The following SGCZ variants were observed in gnomAD, a reference collection of about 807,000 sequenced individuals.
SGCZ encodes sarcoglycan zeta.
SGCZ carries 40 observed loss-of-function variants against 41.3 expected under a neutral mutation model. The observed-to-expected ratio is 0.97, with a 90% confidence interval of 0.75 to 1.26. SGCZ has a LOEUF of 1.26. SGCZ is among the 50% of genes most tolerant of loss of function. SGCZ has a pLI of 0.00. For synonymous variants in SGCZ, 206 were observed against 137.5 expected, an observed-to-expected ratio of 1.50 and a Z score of -3.49; for missense variants, 552 against 369.8, an observed-to-expected ratio of 1.49 and a Z score of -4.04.
chr8:14,774,807 T>C (rs540171976), intron 1 of SGCZ, among the ~76,000 whole-genome samples: 3 of 152,314 alleles, frequency 2.0e-5, no homozygotes, highest in Non-Finnish European at 4.4e-5. Flanking sequence ...AAAGGTTCTC[T>C]GTTCTCTTAT....
At chr8:15,237,158 C>T (rs1240033215) in intron 1 of SGCZ, among the ~76,000 whole-genome samples, 5 of 152,144 alleles carry the variant, frequency 3.3e-5, no homozygotes, top group Non-Finnish European at 7.4e-5. Context: ...GGGGCACAGG[C>T]GGGATCGGAG....
rs950910463 is a variant in SGCZ at position 15,081,429 on chromosome 8, C to T, written c.39+156156G>A. 8.0e-5 allele frequency among the ~76,000 whole-genome samples: 12 copies of T among 150,204 alleles called. No individual in the cohort carries two copies. In the East Asian group the frequency reaches 2.1e-3, roughly 27 times the overall value. ...AAACCTAGTTTATGACAGATGGCTA[C>T]CCCTACTTTTATCAGAGATGACTAG... On this transcript the variant is annotated intron_variant, in intron 1 of 7. Transcript: ENST00000382080.
chr8:14,128,444 T>C (rs1802932942), intron 5 of SGCZ, among the ~76,000 whole-genome samples: 1 of 152,208 alleles, frequency 6.6e-6, no homozygotes, highest in South Asian at 2.1e-4. Flanking sequence ...GCTTATACAC[T>C]GTTGGTGGAA....
At chr8:15,101,843 T>G (rs2131082867) in intron 1 of SGCZ, among the ~76,000 whole-genome samples, 1 of 152,276 alleles carries the variant, frequency 6.6e-6, no homozygotes, top group East Asian at 1.9e-4. Flanking sequence ...GAGAATTGCT[T>G]GAACCGGGGA....
chr8:14,907,184 T>G (rs1799142071), intron 1 of SGCZ, among the ~76,000 whole-genome samples: 1 of 152,118 alleles, frequency 6.6e-6, no homozygotes, highest in Non-Finnish European at 1.5e-5. Context: ...GGGTTTCATA[T>G]GTTTTACAGT....
chr8:14,181,417 C>A (rs1332197491), intron 4 of SGCZ, among the ~76,000 whole-genome samples: 1 of 152,192 alleles, frequency 6.6e-6, no homozygotes, highest in Non-Finnish European at 1.5e-5. Flanking sequence ...ACAACTCAGA[C>A]TCACTGGGGA....
At chr8:14,884,573 A>C (rs1388203804) in intron 1 of SGCZ, among the ~76,000 whole-genome samples, 1 of 152,110 alleles carries the variant, frequency 6.6e-6, no homozygotes, top group East Asian at 1.9e-4. Context: ...GGAGAAATCA[A>C]AATTAGAGAA....
chr8:14,531,483 C>A (rs903434690), intron 2 of SGCZ, among the ~76,000 whole-genome samples: 4 of 152,000 alleles, frequency 2.6e-5, no homozygotes, highest in African/African-American at 9.7e-5. Flanking sequence ...CTGGGCACCA[C>A]TCCCTCCTGC....
At chr8:14,761,800 C>T (rs1025837722) in intron 1 of SGCZ, among the ~76,000 whole-genome samples, 1 of 152,070 alleles carries the variant, frequency 6.6e-6, no homozygotes, top group East Asian at 1.9e-4. Context: ...GCTGGGATTA[C>T]AGGTGTGAAG....
chr8:14,941,718 C>A (rs1411220593), intron 1 of SGCZ, among the ~76,000 whole-genome samples: 1 of 151,738 alleles, frequency 6.6e-6, no homozygotes, highest in African/African-American at 2.4e-5. Flanking sequence ...AGAGTTTGTA[C>A]ATCTATTCAT....
chr8:14,446,279 A>G (rs1800430558), intron 2 of SGCZ, among the ~76,000 whole-genome samples: 3 of 152,156 alleles, frequency 2.0e-5, no homozygotes, highest in Admixed American at 2.0e-4. Flanking sequence ...GGTTTTACCT[A>G]CTGCTGTCAC....
intron 4 of SGCZ, among the ~76,000 whole-genome samples, chr8:14,216,753 C>T (rs925112321): frequency 2.6e-5 from 4 of 152,004 alleles, no homozygotes; most frequent in Middle Eastern, 3.2e-3. Flanking sequence ...CAAAAACCTA[C>T]ACCTGTCATC....
intron 1 of SGCZ, among the ~76,000 whole-genome samples, chr8:14,890,588 A>T (rs1804974761): frequency 1.3e-5 from 2 of 152,234 alleles, no homozygotes; most frequent in African/African-American, 4.8e-5. Context: ...CCATAACCTG[A>T]AAGTGCAAGG....
chr8:14,202,259 G>C (rs1381361665), intron 4 of SGCZ, among the ~76,000 whole-genome samples: 1 of 152,142 alleles, frequency 6.6e-6, no homozygotes. Context: ...AAGGGGTAAA[G>C]ATAACCTCTA....
intron 1 of SGCZ, among the ~76,000 whole-genome samples, chr8:14,717,879 A>C (rs890298055): frequency 2.0e-5 from 3 of 151,956 alleles, no homozygotes; most frequent in African/African-American, 7.2e-5. Context: ...GTGATTTTCC[A>C]AGGTTATTTT....
chr8:15,129,349 T>C (rs1807815898), intron 1 of SGCZ, among the ~76,000 whole-genome samples: 7 of 152,220 alleles, frequency 4.6e-5, no homozygotes, highest in Admixed American at 4.6e-4. Context: ...TTAGAGTCTA[T>C]GCACCACAAG....
chr8:14,950,598 A>G lies in SGCZ; in HGVS notation c.39+286987T>C, dbSNP rs147021072. On this transcript the variant is annotated intron_variant, in intron 1 of 7. Coordinates refer to ENST00000382080, the MANE Select transcript of SGCZ (RefSeq NM_139167.4). Reference sequence around the variant, plus strand: ...AAGTGGGTTGTGTTTTCAACTTGGTAAGAGAAATAATACTTTTACAGTTAG... The same window carrying G: ...AAGTGGGTTGTGTTTTCAACTTGGTGAGAGAAATAATACTTTTACAGTTAG... 3.0e-3 allele frequency among the ~76,000 whole-genome samples: 463 copies of G among 152,162 alleles called. 5 individuals carry two copies. The East Asian group carries it at 0.041, about 13-fold the overall frequency.
chr8:14,951,803 T>C (rs1237084353), intron 1 of SGCZ, among the ~76,000 whole-genome samples: 1 of 152,090 alleles, frequency 6.6e-6, no homozygotes, highest in African/African-American at 2.4e-5. Context: ...TGGCATATTA[T>C]TAAACCCATA....
At chr8:14,102,644 T>C (rs1802069807) in intron 6 of SGCZ, 145 bp from the exon 7 acceptor site, 1 of 737,258 alleles carries the variant, frequency 1.4e-6, no homozygotes, top group East Asian at 3.5e-5. Flanking sequence ...AGTCCTACCA[T>C]TTTAGGCAAA....
Sources: allele counts gnomAD v4.1 joint callset (sites outside exome capture counted in the v4.1 genomes callset), GRCh38; gene constraint gnomAD v4.1.1; transcripts MANE v1.5; gene names NCBI Gene and HGNC (gene_info 2026-07-23, HGNC 2026-07-21).